LOC128462377: variants seen among roughly 807,000 people sequenced by gnomAD.
the LOC128462377 span, among the ~76,000 whole-genome samples, chr16:89,401,093 C>G: frequency 3.6e-5 from 5 of 137,956 alleles, no homozygotes; most frequent in Non-Finnish European, 7.9e-5. Flanking sequence ...CTCTCCCCCC[C>G]ACCCGCCCTC....
chr16:89,317,939 G>A, the LOC128462377 span, among the ~76,000 whole-genome samples: 27 of 152,168 alleles, frequency 1.8e-4, no homozygotes, highest in African/African-American at 4.6e-4. Flanking sequence ...TGAAACCAGC[G>A]CAGAGCCAGG....
At chr16:89,362,371 C>G in the LOC128462377 span, among the ~76,000 whole-genome samples, 3 of 152,144 alleles carry the variant, frequency 2.0e-5, no homozygotes, top group African/African-American at 7.2e-5. Context: ...GGAAGCAGAA[C>G]CAAAACCTGA....
the LOC128462377 span, among the ~76,000 whole-genome samples, chr16:89,346,185 T>C: frequency 0.014 from 2,080 of 145,112 alleles, 44 homozygotes; most frequent in African/African-American, 0.05. Context: ...GGAGGTGAGG[T>C]TGTAATGAGC....
chr16:89,339,406 C>G, the LOC128462377 span, among the ~76,000 whole-genome samples: 10 of 152,294 alleles, frequency 6.6e-5, no homozygotes, highest in Admixed American at 6.5e-4. Context: ...ACTGGGAAAG[C>G]TGGTCGGTAG....
the LOC128462377 span, among the ~76,000 whole-genome samples, chr16:89,378,689 C>T: frequency 6.6e-6 from 1 of 152,212 alleles, no homozygotes; most frequent in East Asian, 1.9e-4. Flanking sequence ...AAGCAATTCT[C>T]CTGTCTCAGC....
the LOC128462377 span, among the ~76,000 whole-genome samples, chr16:89,321,556 T>C: frequency 6.6e-6 from 1 of 151,946 alleles, no homozygotes; most frequent in Non-Finnish European, 1.5e-5. Context: ...CACCAGGGAG[T>C]CCGTGGACCA....
chr16:89,363,198 A>C, the LOC128462377 span, among the ~76,000 whole-genome samples: 1 of 152,188 alleles, frequency 6.6e-6, no homozygotes, highest in Non-Finnish European at 1.5e-5. Flanking sequence ...TTTCCAGATA[A>C]AAGAATTCTG....
chr16:89,375,728 T>C, the LOC128462377 span, among the ~76,000 whole-genome samples: 1 of 140,000 alleles, frequency 7.1e-6, no homozygotes, highest in Non-Finnish European at 1.5e-5. Context: ...AGTGCTGAGA[T>C]TACAAGCATG....
At chr16:89,377,789 G>A in the LOC128462377 span, among the ~76,000 whole-genome samples, 508 of 152,190 alleles carry the variant, frequency 3.3e-3, 4 homozygotes, top group African/African-American at 0.011. Flanking sequence ...AACATTTCTA[G>A]AGAAATGACA....
chr16:89,360,519 T>C, the LOC128462377 span: 2 of 152,214 alleles, frequency 1.3e-5, no homozygotes, highest in South Asian at 2.1e-4. Flanking sequence ...CCATGGATTA[T>C]TGTTATGTGC....
the LOC128462377 span, among the ~76,000 whole-genome samples, chr16:89,318,482 C>A: frequency 6.6e-6 from 1 of 152,240 alleles, no homozygotes; most frequent in African/African-American, 2.4e-5. Context: ...CCGGGAGAAG[C>A]AGCTTCTGCA....
the LOC128462377 span, among the ~76,000 whole-genome samples, chr16:89,345,507 G>A: frequency 6.6e-6 from 1 of 152,212 alleles, no homozygotes; most frequent in Non-Finnish European, 1.5e-5. Flanking sequence ...AGGCCCTCCA[G>A]TGGCCCCAGG....
the LOC128462377 span, among the ~76,000 whole-genome samples, chr16:89,403,418 G>C: frequency 1.3e-5 from 2 of 152,168 alleles, no homozygotes; most frequent in African/African-American, 4.8e-5. Context: ...GGTGAGGGCA[G>C]AGCGGGGAAC....
chr16:89,404,058 G>C, the LOC128462377 span, among the ~76,000 whole-genome samples: 33 of 152,210 alleles, frequency 2.2e-4, no homozygotes, highest in African/African-American at 8.0e-4. Context: ...CCAAACTACA[G>C]GAAACTCTCA....
the LOC128462377 span, chr16:89,403,613 T>G: frequency 6.6e-6 from 1 of 152,166 alleles, no homozygotes; most frequent in African/African-American, 2.4e-5. Context: ...AAAGCCCTGC[T>G]GCCTCCCCGG....
At chr16:89,350,414 G>A in the LOC128462377 span, among the ~76,000 whole-genome samples, 4 of 152,142 alleles carry the variant, frequency 2.6e-5, no homozygotes, top group South Asian at 4.1e-4. Context: ...AGGAAACAAC[G>A]GACATGTCTA....
chr16:89,388,675 C>T, the LOC128462377 span, among the ~76,000 whole-genome samples: 1 of 152,136 alleles, frequency 6.6e-6, no homozygotes, highest in East Asian at 1.9e-4. Flanking sequence ...AGCCGGGGAC[C>T]CCCTTGGAGG....
the LOC128462377 span, among the ~76,000 whole-genome samples, chr16:89,409,805 T>C: frequency 1.3e-5 from 2 of 151,096 alleles, no homozygotes; most frequent in Non-Finnish European, 2.9e-5. Context: ...GGCATCTTTC[T>C]GCTCACTTCT....
At chr16:89,380,348 G>A in the LOC128462377 span, among the ~76,000 whole-genome samples, 1 of 152,146 alleles carries the variant, frequency 6.6e-6, no homozygotes, top group African/African-American at 2.4e-5. Context: ...CTGACCTCAG[G>A]TGATCCACCC....
Sources: gnomAD v4.1 joint callset for allele counts (sites outside exome capture counted in the v4.1 genomes callset) on GRCh38, gnomAD v4.1.1 for gene constraint, MANE v1.5 for transcripts.